The following RALYL variants were observed in gnomAD, a reference collection of about 807,000 sequenced individuals.
RALYL encodes RNA-binding Raly-like protein.
In RALYL, 29 loss-of-function variants were observed where a neutral mutation model predicts 35.1. That is an observed-to-expected ratio of 0.83 (90% CI 0.61 to 1.13). The LOEUF is 1.13. Ranked by LOEUF, RALYL falls within the 50% of genes most tolerant of loss-of-function variation. RALYL has a pLI of 0.00. For synonymous variants in RALYL, 120 were observed against 127.6 expected, an observed-to-expected ratio of 0.94 and a Z score of 0.40; for missense variants, 359 against 360.4, an observed-to-expected ratio of 1.00 and a Z score of 0.03.
chr8:84,469,469 A>T (rs1321310133), intron 1 of RALYL, among the ~76,000 whole-genome samples: 1 of 152,198 alleles, frequency 6.6e-6, no homozygotes, highest in Non-Finnish European at 1.5e-5. Context: ...GTCAGGGGAC[A>T]GGGACCCACT....
chr8:84,671,442 T>C (rs28831754), intron 2 of RALYL, among the ~76,000 whole-genome samples: 7,965 of 152,262 alleles, frequency 0.052, 466 homozygotes, highest in African/African-American at 0.14. Flanking sequence ...ACCCCACATT[T>C]GCCTTCCACA....
chr8:84,762,913 A>C (rs1813040863), intron 2 of RALYL, among the ~76,000 whole-genome samples: 1 of 152,148 alleles, frequency 6.6e-6, no homozygotes, highest in African/African-American at 2.4e-5. Context: ...TCTTTCCTGA[A>C]AGCTTTATTC....
chr8:84,275,316 C>A (rs1204927330), intron 1 of RALYL, among the ~76,000 whole-genome samples: 1 of 151,876 alleles, frequency 6.6e-6, no homozygotes, highest in Non-Finnish European at 1.5e-5. Context: ...CATAACTGCA[C>A]TGAGAAGTAG....
intron 7 of RALYL, among the ~76,000 whole-genome samples, chr8:84,883,656 G>A (rs1842512826): frequency 1.3e-5 from 2 of 152,168 alleles, no homozygotes; most frequent in Non-Finnish European, 2.9e-5. Context: ...AATTCAAGAT[G>A]AGATTTGGGT....
chr8:84,671,159 A>C (rs1250417291), intron 2 of RALYL, among the ~76,000 whole-genome samples: 1 of 152,068 alleles, frequency 6.6e-6, no homozygotes. Context: ...CTCCAAAATG[A>C]TATCCTTTGA....
intron 1 of RALYL, among the ~76,000 whole-genome samples, chr8:84,495,681 G>A (rs941818756): frequency 3.9e-5 from 6 of 152,048 alleles, no homozygotes; most frequent in African/African-American, 1.4e-4. Flanking sequence ...CCTTTACTCT[G>A]AAAACTTTGG....
intron 1 of RALYL, among the ~76,000 whole-genome samples, chr8:84,312,875 C>T (rs1444616524): frequency 6.6e-6 from 1 of 152,320 alleles, no homozygotes; most frequent in East Asian, 1.9e-4. Flanking sequence ...CCACTAGGCT[C>T]TACTAGTGCC....
At chr8:84,536,371 T>C (rs2059606756) in intron 2 of RALYL, among the ~76,000 whole-genome samples, 2 of 152,236 alleles carry the variant, frequency 1.3e-5, no homozygotes, top group African/African-American at 4.8e-5. Flanking sequence ...TACAGAATTG[T>C]AGTATCCCTA....
intron 1 of RALYL, among the ~76,000 whole-genome samples, chr8:84,386,134 A>C (rs1054303029): frequency 6.6e-6 from 1 of 151,796 alleles, no homozygotes; most frequent in Non-Finnish European, 1.5e-5. Flanking sequence ...GAGGAAATAG[A>C]CTACATTTAA....
intron 1 of RALYL, among the ~76,000 whole-genome samples, chr8:84,251,092 C>T (rs1830104746): frequency 6.6e-6 from 1 of 152,076 alleles, no homozygotes; most frequent in Admixed American, 6.6e-5. Flanking sequence ...GAAACATTTA[C>T]AAGTTATTTT....
chr8:84,183,640 T>C lies in RALYL; in HGVS notation c.-808T>C, dbSNP rs1355091195. 6.5e-6 allele frequency: 1 copy of C among 152,678 alleles called. No individual in the cohort carries two copies. The highest frequency in any genetic ancestry group is 2.4e-5 in the African/African-American group (1 of 41,476). The allele number at this position is 152,678 out of a possible 1,614,324, so 9.5% of individuals were successfully genotyped here. ...TTTTTTTGTCCTTTTTTTTGGTTTT[T>C]TGTTTTTTTTGTTTTTGTTTTTTTT... On this transcript the variant is annotated 5_prime_UTR_variant, in exon 1 of 9. Coordinates refer to ENST00000521268, the MANE Select transcript of RALYL (RefSeq NM_173848.7).
At chr8:84,425,978 T>C (rs576392751) in intron 1 of RALYL, among the ~76,000 whole-genome samples, 1 of 152,112 alleles carries the variant, frequency 6.6e-6, no homozygotes, top group East Asian at 1.9e-4. Context: ...TAGAGAAGAA[T>C]TGAGGATAAC....
intron 5 of RALYL, among the ~76,000 whole-genome samples, chr8:84,852,863 CGTG>C (rs926247040): frequency 6.6e-5 from 10 of 152,246 alleles, no homozygotes; most frequent in Admixed American, 6.5e-4. Flanking sequence ...AGAGGAAGGA[CGTG>C]CCTGCCCTAG....
intron 1 of RALYL, among the ~76,000 whole-genome samples, chr8:84,383,856 A>G (rs1244300102): frequency 6.6e-6 from 1 of 151,596 alleles, no homozygotes; most frequent in African/African-American, 2.4e-5. Context: ...AAGGTGTTAT[A>G]CCAAGATTGA....
At chr8:84,692,156 A>G (rs561377775) in intron 2 of RALYL, among the ~76,000 whole-genome samples, 2 of 152,096 alleles carry the variant, frequency 1.3e-5, no homozygotes, top group African/African-American at 4.8e-5. Flanking sequence ...TTGAAACTTT[A>G]CGCCTTGAAA....
intron 1 of RALYL, among the ~76,000 whole-genome samples, chr8:84,302,747 G>T (rs935474345): frequency 1.3e-5 from 2 of 152,112 alleles, no homozygotes; most frequent in African/African-American, 2.4e-5. Flanking sequence ...AGGGACAGTG[G>T]GATCTGCAGG....
intron 1 of RALYL, among the ~76,000 whole-genome samples, chr8:84,195,167 G>A (rs1814929121): frequency 6.6e-6 from 1 of 152,224 alleles, no homozygotes; most frequent in Non-Finnish European, 1.5e-5. Flanking sequence ...GGCATAATGG[G>A]TGAGAATTTC....
chr8:84,444,363 G>GA (rs1038884234), intron 1 of RALYL, among the ~76,000 whole-genome samples: 14 of 151,220 alleles, frequency 9.3e-5, no homozygotes, highest in Admixed American at 1.3e-4. Context: ...AAACAACAAT[G>GA]AAAAAAAACA....
intron 2 of RALYL, among the ~76,000 whole-genome samples, chr8:84,700,022 T>A (rs1203562871): frequency 1.3e-5 from 2 of 152,130 alleles, no homozygotes; most frequent in Non-Finnish European, 2.9e-5. Context: ...CCAAAGGATA[T>A]GATAAAGAAG....
Sources: allele counts gnomAD v4.1 joint callset (sites outside exome capture counted in the v4.1 genomes callset), GRCh38; gene constraint gnomAD v4.1.1; transcripts MANE v1.5; gene names NCBI Gene and HGNC (gene_info 2026-07-23, HGNC 2026-07-21).